PRRG1: variants seen among roughly 807,000 people sequenced by gnomAD.
PRRG1 encodes transmembrane gamma-carboxyglutamic acid protein 1.
PRRG1 carries 5 observed loss-of-function variants against 11.8 expected under a neutral mutation model. The observed-to-expected ratio is 0.42, with a 90% CI of 0.22 to 0.89. The LOEUF is 0.89. Among genes scored for constraint, PRRG1 ranks in the 40% least tolerant of loss-of-function variants. PRRG1 has a pLI of 0.28. For synonymous variants in PRRG1, 66 were observed against 60.4 expected, an observed-to-expected ratio of 1.09 and a Z score of -0.43; for missense variants, 155 against 166.1, an observed-to-expected ratio of 0.93 and a Z score of 0.37.
intron 3 of PRRG1, among the ~76,000 whole-genome samples, chrX:37,428,873 C>G (rs1932799426): frequency 8.9e-6 from 1 of 112,947 alleles, no homozygotes; most frequent in Non-Finnish European, 1.9e-5. Flanking sequence ...TCCACACATC[C>G]TCTGAAATCT....
intron 1 of PRRG1, among the ~76,000 whole-genome samples, chrX:37,374,562 A>G (rs1040809338): frequency 3.6e-5 from 4 of 111,423 alleles, no homozygotes; most frequent in Admixed American, 9.5e-5. Flanking sequence ...GATATCATCT[A>G]TTAAGTTTTT....
At chrX:37,365,456 A>G (rs1276942871) in intron 1 of PRRG1, among the ~76,000 whole-genome samples, 1 of 112,123 alleles carries the variant, frequency 8.9e-6, no homozygotes, top group African/African-American at 3.2e-5. Context: ...TATAGCCTCC[A>G]GTGGAATGCT....
chrX:37,398,648 T>G (rs926055971), intron 1 of PRRG1, among the ~76,000 whole-genome samples: 2 of 112,285 alleles, frequency 1.8e-5, no homozygotes, highest in Non-Finnish European at 3.8e-5. Context: ...TTTGACGAGT[T>G]GAGAGAAGAC....
chrX:37,431,496 A>G (rs1932826619), intron 3 of PRRG1, among the ~76,000 whole-genome samples: 1 of 111,890 alleles, frequency 8.9e-6, no homozygotes, highest in Non-Finnish European at 1.9e-5. Context: ...TTAATGGCTC[A>G]TGATATTGAA....
chrX:37,430,043 G>C (rs142414132), intron 3 of PRRG1, among the ~76,000 whole-genome samples: 482 of 111,980 alleles, frequency 4.3e-3, no homozygotes, highest in Non-Finnish European at 7.5e-3. Context: ...CACAGCACGT[G>C]GGAATTCTGG....
chrX:37,420,697 GAAA>G (rs1303456890), intron 2 of PRRG1, among the ~76,000 whole-genome samples: 11 of 91,988 alleles, frequency 1.2e-4, no homozygotes, highest in African/African-American at 2.2e-4. Context: ...AGAAAAGAAA[GAAA>G]AAAGAAAAAA....
chrX:37,437,306 G>A (rs188669186), intron 3 of PRRG1, among the ~76,000 whole-genome samples: 2 of 109,696 alleles, frequency 1.8e-5, no homozygotes, highest in South Asian at 4.1e-4. Context: ...CAGTCAGGGC[G>A]GGGGGGGAGG....
intron 1 of PRRG1, among the ~76,000 whole-genome samples, chrX:37,358,097 T>A (rs1215630049): frequency 1.6e-5 from 1 of 63,563 alleles, no homozygotes; most frequent in African/African-American, 3.3e-4. Context: ...TCAAATCATG[T>A]TTTTTTTTTT....
chrX:37,384,158 A>G (rs1556374515), intron 1 of PRRG1, among the ~76,000 whole-genome samples: 1 of 111,498 alleles, frequency 9.0e-6, no homozygotes. Flanking sequence ...ATGCAACCAC[A>G]CTTACAAGTG....
chrX:37,447,201 G>A (rs1556395446), intron 3 of PRRG1, among the ~76,000 whole-genome samples: 1 of 111,665 alleles, frequency 9.0e-6, no homozygotes, highest in Non-Finnish European at 1.9e-5. Flanking sequence ...TACAATAATG[G>A]TGTGCTTGCC....
At chrX:37,391,779 C>T (rs1226732007) in intron 1 of PRRG1, among the ~76,000 whole-genome samples, 1 of 111,768 alleles carries the variant, frequency 8.9e-6, no homozygotes, top group East Asian at 2.8e-4. Flanking sequence ...TATGCAATGA[C>T]GTTTTTATTC....
intron 2 of PRRG1, among the ~76,000 whole-genome samples, chrX:37,422,302 A>G (rs1456852836): frequency 9.1e-6 from 1 of 110,199 alleles, no homozygotes; most frequent in African/African-American, 3.2e-5. Context: ...CCACATTAAC[A>G]TATATATTGT....
At chrX:37,375,399 A>G (rs1930904769) in intron 1 of PRRG1, among the ~76,000 whole-genome samples, 1 of 111,899 alleles carries the variant, frequency 8.9e-6, no homozygotes, top group Non-Finnish European at 1.9e-5. Context: ...CTCTGTATCC[A>G]TGAGTTTAAC....
chrX:37,409,210 TAAG>T (rs1162546780), intron 2 of PRRG1, among the ~76,000 whole-genome samples: 30 of 112,001 alleles, frequency 2.7e-4, no homozygotes, highest in African/African-American at 9.4e-4. Context: ...TAGAAAATAT[TAAG>T]AAAATCATAA....
chrX:37,352,543 C>G (rs1930101397), intron 1 of PRRG1, among the ~76,000 whole-genome samples: 1 of 111,092 alleles, frequency 9.0e-6, no homozygotes, highest in African/African-American at 3.3e-5. Context: ...AAACTTTCCT[C>G]TTAGACTTCC....
chrX:37,428,660 A>G (rs1284136201), intron 3 of PRRG1, among the ~76,000 whole-genome samples: 2 of 111,847 alleles, frequency 1.8e-5, no homozygotes, highest in African/African-American at 3.3e-5. Context: ...TTCTCTAGGC[A>G]CACGGTGCAA....
chrX:37,359,481 G>C (rs782373297), intron 1 of PRRG1, among the ~76,000 whole-genome samples: 1 of 111,381 alleles, frequency 9.0e-6, no homozygotes, highest in Non-Finnish European at 1.9e-5. Flanking sequence ...TTGCATACTT[G>C]TCATACATCT....
At chrX:37,398,372 G>C (rs1356264436) in intron 1 of PRRG1, among the ~76,000 whole-genome samples, 5 of 112,074 alleles carry the variant, frequency 4.5e-5, no homozygotes, top group Non-Finnish European at 7.5e-5. Context: ...GGCAAACAGG[G>C]TCTGGAGTGG....
chrX:37,442,164 T>TC, intron 3 of PRRG1: 1 of 755,094 alleles, frequency 1.3e-6, no homozygotes, highest in Non-Finnish European at 1.6e-6. Flanking sequence ...AACGTTCTCT[T>TC]CAATTTTTTT....
Sources: gnomAD v4.1 joint callset for allele counts (sites outside exome capture counted in the v4.1 genomes callset) on GRCh38, gnomAD v4.1.1 for gene constraint, MANE v1.5 for transcripts, NCBI Gene and HGNC (gene_info 2026-07-23, HGNC 2026-07-21) for gene names.